DIP2B: variants seen among roughly 807,000 people sequenced by gnomAD.
The protein encoded by DIP2B is disco-interacting protein 2 homolog B.
In DIP2B, 76 loss-of-function variants were observed where a neutral mutation model predicts 198.0. That is an observed-to-expected ratio of 0.38 (90% confidence interval 0.32 to 0.46). DIP2B has a LOEUF of 0.46. Ranked by LOEUF, DIP2B falls within the 20% of genes least tolerant of loss-of-function variation. The pLI is 0.99. For synonymous variants in DIP2B, 701 were observed against 739.1 expected (o/e 0.95, Z 0.84); for missense variants, 1,559 against 1,978.4 (o/e 0.79, Z 4.02).
At chr12:50,525,513 CTTT>C (rs747688876) in intron 1 of DIP2B, among the ~76,000 whole-genome samples, 11 of 139,326 alleles carry the variant, frequency 7.9e-5, no homozygotes, top group Admixed American at 1.5e-4. Flanking sequence ...TCTAGGTCCC[CTTT>C]TTTTTTTTTT....
At chr12:50,567,791 G>C (rs1272185944) in intron 1 of DIP2B, among the ~76,000 whole-genome samples, 2 of 152,198 alleles carry the variant, frequency 1.3e-5, no homozygotes, top group African/African-American at 4.8e-5. Flanking sequence ...GCTTCCCAAA[G>C]TGCTGGGACT....
At chr12:50,662,954 C>G (rs1458630015) in intron 4 of DIP2B, among the ~76,000 whole-genome samples, 1 of 151,684 alleles carries the variant, frequency 6.6e-6, no homozygotes, top group African/African-American at 2.4e-5. Context: ...GCTAAAAATA[C>G]AAAAATTAGC....
At chr12:50,592,332 G>C (rs1055512652) in intron 1 of DIP2B, among the ~76,000 whole-genome samples, 2 of 151,942 alleles carry the variant, frequency 1.3e-5, no homozygotes, top group African/African-American at 4.8e-5. Flanking sequence ...GTGCCACCAT[G>C]TCTGGCTAAT....
At chr12:50,714,979 C>T (rs1026136529) in intron 23 of DIP2B, among the ~76,000 whole-genome samples, 2 of 152,066 alleles carry the variant, frequency 1.3e-5, no homozygotes, top group East Asian at 1.9e-4. Flanking sequence ...TAAGGCAGCC[C>T]GGAGGCAAAC....
chr12:50,556,055 T>C (rs1415780887), intron 1 of DIP2B, among the ~76,000 whole-genome samples: 2 of 152,084 alleles, frequency 1.3e-5, no homozygotes, highest in Non-Finnish European at 2.9e-5. Context: ...TGACTCTTCA[T>C]TGTTTTTTTT....
Position 50,725,014 on chromosome 12 carries a change from C to G in DIP2B, c.3400+128C>G, listed in dbSNP as rs1032104960. Reference sequence around the variant, plus strand: ...TCTGCCTGCTAAGACAGAGGCAAAACCTAGGATCAGTAAGCTTGTGCAGGA... The same window carrying G: ...TCTGCCTGCTAAGACAGAGGCAAAAGCTAGGATCAGTAAGCTTGTGCAGGA... On this transcript the variant is annotated intron_variant, in intron 28 of 37. Coordinates refer to ENST00000301180, the MANE Select transcript of DIP2B (RefSeq NM_173602.3). 22 of 868,862 alleles carry G rather than the reference C, an allele frequency of 2.5e-5. No individual in the cohort carries two copies. The African/African-American group carries it at 2.7e-4, about 11-fold the overall frequency. The allele number at this position is 868,862 out of a possible 1,614,324, so 53.8% of individuals were successfully genotyped here.
chr12:50,559,501 G>T (rs1315960209), intron 1 of DIP2B, among the ~76,000 whole-genome samples: 1 of 151,934 alleles, frequency 6.6e-6, no homozygotes, highest in East Asian at 1.9e-4. Context: ...AGCATTTTGG[G>T]AGGCTAATGT....
intron 3 of DIP2B, among the ~76,000 whole-genome samples, chr12:50,658,055 C>G (rs1593693372): frequency 6.6e-6 from 1 of 150,578 alleles, no homozygotes; most frequent in Middle Eastern, 3.5e-3. Context: ...CAAGACCAAC[C>G]CTAGGCAGCA....
intron 1 of DIP2B, among the ~76,000 whole-genome samples, chr12:50,594,585 A>T (rs1958862404): frequency 6.6e-6 from 1 of 152,192 alleles, no homozygotes; most frequent in South Asian, 2.1e-4. Context: ...TACGTGTATT[A>T]CCTCATATGA....
At chr12:50,624,831 C>T (rs1192549104) in intron 1 of DIP2B, among the ~76,000 whole-genome samples, 1 of 152,156 alleles carries the variant, frequency 6.6e-6, no homozygotes, top group Non-Finnish European at 1.5e-5. Flanking sequence ...GGTGAACTTG[C>T]TGCAGTGCAG....
At chr12:50,717,071 A>T (rs1939738210) in intron 23 of DIP2B, among the ~76,000 whole-genome samples, 1 of 144,304 alleles carries the variant, frequency 6.9e-6, no homozygotes, top group South Asian at 2.2e-4. Context: ...CAACCACTTG[A>T]GTACCTGGGA....
At chr12:50,602,857 CAAAAAAAAA>C (rs71086464) in intron 1 of DIP2B, among the ~76,000 whole-genome samples, 53 of 91,474 alleles carry the variant, frequency 5.8e-4, no homozygotes, top group African/African-American at 6.7e-4. Context: ...GACTCTGTCT[CAAAAAAAAA>C]AAAAAAAAAA....
intron 32 of DIP2B, 67 bp from the exon 33 acceptor site, chr12:50,734,068 T>G: frequency 6.4e-7 from 1 of 1,565,734 alleles, no homozygotes; most frequent in Non-Finnish European, 8.8e-7. Flanking sequence ...AAATTATTTC[T>G]TGGTTTGAAA....
chr12:50,699,835 C>T (rs899165785), intron 19 of DIP2B, among the ~76,000 whole-genome samples: 3 of 149,790 alleles, frequency 2.0e-5, no homozygotes, highest in Non-Finnish European at 4.4e-5. Context: ...TGCATTCCAG[C>T]CTAGGGGACA....
chr12:50,678,285 C>T (rs575336066), intron 7 of DIP2B, among the ~76,000 whole-genome samples: 1 of 152,138 alleles, frequency 6.6e-6, no homozygotes, highest in South Asian at 2.1e-4. Flanking sequence ...TTCTGACTCA[C>T]AGTATAATGC....
At chr12:50,542,067 C>T (rs1017629893) in intron 1 of DIP2B, among the ~76,000 whole-genome samples, 2 of 149,632 alleles carry the variant, frequency 1.3e-5, no homozygotes, top group Non-Finnish European at 3.0e-5. Flanking sequence ...CTGAGGTGGG[C>T]GGATCACGAG....
chr12:50,667,078 A>T (rs1156522284), intron 4 of DIP2B, among the ~76,000 whole-genome samples: 2 of 152,172 alleles, frequency 1.3e-5, no homozygotes, highest in Non-Finnish European at 2.9e-5. Flanking sequence ...CATGTTGCCC[A>T]GGCTGGTCTC....
At chr12:50,711,957 C>T (rs912772997) in intron 22 of DIP2B, among the ~76,000 whole-genome samples, 1 of 152,200 alleles carries the variant, frequency 6.6e-6, no homozygotes, top group African/African-American at 2.4e-5. Context: ...CACTTGAGTT[C>T]AAGACCAGCC....
At chr12:50,657,841 AAGT>A in intron 3 of DIP2B, among the ~76,000 whole-genome samples, 1 of 152,322 alleles carries the variant, frequency 6.6e-6, no homozygotes, top group East Asian at 1.9e-4. Context: ...CAGGACAACT[AAGT>A]AGGATTTCCT....
Sources: gnomAD v4.1 joint callset for allele counts (sites outside exome capture counted in the v4.1 genomes callset) on GRCh38, gnomAD v4.1.1 for gene constraint, MANE v1.5 for transcripts, NCBI Gene and HGNC (gene_info 2026-07-23, HGNC 2026-07-21) for gene names.